Variants in CDC42 observed in about 807,000 individuals in gnomAD.
CDC42 encodes cell division cycle 42.
A neutral mutation model predicts 20.8 loss-of-function variants in CDC42; 1 was observed. That is an observed-to-expected ratio of 0.05 (90% confidence interval 0.02 to 0.23). The LOEUF (loss-of-function observed/expected upper bound fraction) is 0.23. Among genes scored for constraint, CDC42 ranks in the 10% least tolerant of loss-of-function variants. The probability of loss-of-function intolerance (pLI) is 1.00; values close to 1 mark genes in which losing one functional copy is unlikely to be tolerated. For synonymous variants in CDC42, 72 were observed against 84.8 expected (o/e 0.85, Z 0.83); for missense variants, 49 against 227.9 (o/e 0.21, Z 5.05).
chr1:22,061,414 A>G (rs1489411235), intron 1 of CDC42, among the ~76,000 whole-genome samples: 14 of 144,954 alleles, frequency 9.7e-5, no homozygotes, highest in Non-Finnish European at 2.0e-4. Flanking sequence ...GTCTCAGGAA[A>G]AAAAAAAAAA....
In CDC42 at chr1:22,086,838, A is replaced by G. The variant is rs1199858455; in HGVS notation, c.458A>G (p.Lys153Arg). Residue 153 changes from lysine (K) to arginine (R), a missense_variant, in exon 5 of 6, where the codon AAG (lysine) becomes AGG (arginine). This residue lies in a region of CDC42 where 38 missense variants were observed against 106.6 expected (regional missense o/e 0.36). Transcript: ENST00000656825. ...EKLARDLKAVKYVECSALTQK... is the reference protein window; with the variant it reads ...EKLARDLKAVRYVECSALTQK... ...CTGGCCCGTGACCTGAAGGCTGTCA[A>G]GTATGTGGAGTGTTCTGCACTTACA... The G allele has an allele frequency of 6.2e-7, 1 of 1,613,926 alleles. No homozygotes were observed. Among genetic ancestry groups the G allele is most frequent in the Non-Finnish European group, 8.5e-7 (1 of 1,179,906 alleles).
intron 1 of CDC42, among the ~76,000 whole-genome samples, chr1:22,072,436 C>G (rs577091471): frequency 6.6e-6 from 1 of 152,190 alleles, no homozygotes; most frequent in African/African-American, 2.4e-5. Flanking sequence ...AAGGGTACAA[C>G]TCACGAACAG....
At chr1:22,054,905 ATATATATATATATATATTTTTTTTTTT>A (rs1645279729) in intron 1 of CDC42, among the ~76,000 whole-genome samples, 2 of 12,112 alleles carry the variant, frequency 1.7e-4, no homozygotes, top group Admixed American at 1.5e-3. Context: ...ATATATATAT[ATATATATATATATATATTTTTTTTTTT>A]TTTTTTTTTT....
At chr1:22,068,855 G>A (rs1174533944) in intron 1 of CDC42, 1 of 152,188 alleles carries the variant, frequency 6.6e-6, no homozygotes, top group African/African-American at 2.4e-5. Flanking sequence ...CTGTGTTCTG[G>A]CCACCTGCTG....
chr1:22,078,996 A>C (rs902067007), intron 2 of CDC42: 14 of 463,518 alleles, frequency 3.0e-5, no homozygotes, highest in Non-Finnish European at 4.3e-5. Context: ...ATGTGTCTCC[A>C]CTTTTCTTGT....
intron 5 of CDC42, chr1:22,090,200 A>G: frequency 1.6e-6 from 2 of 1,289,944 alleles, no homozygotes; most frequent in Non-Finnish European, 2.0e-6. Context: ...GCAATATCAT[A>G]TAAATTTTTT....
Position 22,097,318 on chromosome 1 carries a change from G to A in CDC42, c.*5801G>A, listed in dbSNP as rs548102108. Among the ~76,000 whole-genome samples, 2 of 152,146 alleles carry A rather than the reference G, an allele frequency of 1.3e-5. No individual in the cohort carries two copies. Among genetic ancestry groups the A allele is most frequent in the Non-Finnish European group, 2.9e-5 (2 of 68,012 alleles). Reference sequence around the variant, plus strand: ...GTCGCCCAGGCTGGAGTGCAGTGGCGTGATCTCGGCTTGCTGCAATCTCTG... The same window carrying A: ...GTCGCCCAGGCTGGAGTGCAGTGGCATGATCTCGGCTTGCTGCAATCTCTG... On this transcript the variant is annotated 3_prime_UTR_variant, in exon 6 of 6. Coordinates refer to ENST00000656825, the MANE Select transcript of CDC42 (RefSeq NM_001791.4).
chr1:22,095,024 G>T lies in CDC42; in HGVS notation c.*3507G>T, dbSNP rs559186454. ...GAAGGATTGAAACTTAGTCCTTGCT[G>T]GGTACAAATTTAGAAATTTGTTATA... On this transcript the variant is annotated 3_prime_UTR_variant, in exon 6 of 6. Transcript: ENST00000656825. Among the ~76,000 whole-genome samples the T allele has an allele frequency of 6.6e-6, 1 of 152,282 alleles. No homozygotes were observed. The highest frequency in any genetic ancestry group is 1.9e-4 in the East Asian group (1 of 5,186).
chr1:22,077,344 T>C (rs16826459), intron 1 of CDC42, among the ~76,000 whole-genome samples: 2 of 152,134 alleles, frequency 1.3e-5, no homozygotes, highest in Admixed American at 6.5e-5. Context: ...TGAGGTAGTA[T>C]AGGTTCATTT....
chr1:22,079,212 T>A (rs1252265511), intron 2 of CDC42, among the ~76,000 whole-genome samples: 1 of 151,202 alleles, frequency 6.6e-6, no homozygotes, highest in Non-Finnish European at 1.5e-5. Context: ...GATCTCGGCT[T>A]GCTGCACCCT....
At chr1:22,078,635 C>G (rs1161191914) in intron 2 of CDC42, 52 bp downstream of exon 2, 1 of 1,559,748 alleles carries the variant, frequency 6.4e-7, no homozygotes, top group Admixed American at 1.8e-5. Flanking sequence ...ATTTGATATC[C>G]TTTTGAAAAC....
In CDC42 at chr1:22,093,550, A is replaced by G. The variant is rs1235402728; in HGVS notation, c.*2033A>G. 1.3e-5 allele frequency among the ~76,000 whole-genome samples: 2 copies of G among 152,178 alleles called. No individual in the cohort carries two copies. Among genetic ancestry groups the G allele is most frequent in the Non-Finnish European group, 2.9e-5 (2 of 68,022 alleles). ...AATCTTAGAAACTAAGAACCCTTAA[A>G]ATCAGTTAAGGTTGGTACACTGTGG... On this transcript the variant is annotated 3_prime_UTR_variant, in exon 6 of 6. Coordinates refer to ENST00000656825, the MANE Select transcript of CDC42 (RefSeq NM_001791.4).
rs138136248 is a variant in CDC42 at position 22,055,237 on chromosome 1, G to A, written c.-51+2495G>A. Among the ~76,000 whole-genome samples the A allele has an allele frequency of 3.0e-3, 456 of 151,770 alleles. 4 individuals are homozygous for A. The highest frequency in any genetic ancestry group is 0.01 in the African/African-American group (434 of 41,412). On this transcript the variant is annotated intron_variant, in intron 1 of 5. Transcript: ENST00000656825. Reference sequence around the variant, plus strand: ...CAAAGTGCTGAGATTACAGGCGTGAGCCACCGTGCCCGGCCTGAATTTATA... The same window carrying A: ...CAAAGTGCTGAGATTACAGGCGTGAACCACCGTGCCCGGCCTGAATTTATA...
At chr1:22,074,684 T>G (rs1298809921) in intron 1 of CDC42, among the ~76,000 whole-genome samples, 1 of 152,170 alleles carries the variant, frequency 6.6e-6, no homozygotes, top group Non-Finnish European at 1.5e-5. Flanking sequence ...CCTCCCAAAG[T>G]GCAAGGATTA....
At chr1:22,061,395 C>G (rs1458378881) in intron 1 of CDC42, among the ~76,000 whole-genome samples, 1 of 117,866 alleles carries the variant, frequency 8.5e-6, no homozygotes, top group Non-Finnish European at 1.7e-5. Flanking sequence ...GTAACAAGAG[C>G]AAAACTCTGT....
chr1:22,064,106 A>T (rs1645395199), intron 1 of CDC42: 1 of 151,548 alleles, frequency 6.6e-6, no homozygotes, highest in South Asian at 2.1e-4. Context: ...TGTTTTGATG[A>T]TACAGCATCT....
intron 3 of CDC42, among the ~76,000 whole-genome samples, chr1:22,083,889 G>T (rs2124027395): frequency 6.6e-6 from 1 of 152,238 alleles, no homozygotes; most frequent in East Asian, 1.9e-4. Context: ...TCATATAAAT[G>T]GAACCATACA....
intron 5 of CDC42, chr1:22,089,859 T>G (rs191063257): frequency 7.4e-7 from 1 of 1,346,068 alleles, no homozygotes; most frequent in East Asian, 2.4e-5. Flanking sequence ...TTCAGCTCAT[T>G]TAATCCGGAC....
Position 22,099,240 on chromosome 1 carries a change from G to A in CDC42, c.*7723G>A, listed in dbSNP as rs538905385. Among the ~76,000 whole-genome samples, 1 of 152,252 alleles carries A rather than the reference G, an allele frequency of 6.6e-6. No homozygotes were observed. The highest frequency in any genetic ancestry group is 1.9e-4 in the East Asian group (1 of 5,192). On this transcript the variant is annotated 3_prime_UTR_variant, in exon 6 of 6. Coordinates refer to ENST00000656825, the MANE Select transcript of CDC42 (RefSeq NM_001791.4). ...TATTAATCACATCCAGGAGGGCTCTGCCCTAACTGCTGAGAATCATAAAAG... is the reference window on the plus strand; with the variant it reads ...TATTAATCACATCCAGGAGGGCTCTACCCTAACTGCTGAGAATCATAAAAG...
Sources: gnomAD v4.1 joint callset for allele counts (sites outside exome capture counted in the v4.1 genomes callset) on GRCh38, gnomAD v4.1.1 for gene constraint, gnomAD v4.1.1 regional missense constraint, MANE v1.5 for transcripts, NCBI Gene and HGNC (gene_info 2026-07-23, HGNC 2026-07-21) for gene names.